The following ATP23 variants were observed in gnomAD, a reference collection of about 807,000 sequenced individuals.
The protein encoded by ATP23 is ATP23 metallopeptidase and ATP synthase assembly factor homolog.
ATP23 carries 24 observed loss-of-function variants against 28.5 expected under a neutral mutation model. That is an observed-to-expected ratio of 0.84 (90% CI 0.61 to 1.18). ATP23 has a LOEUF of 1.18. ATP23 is among the 50% of genes most tolerant of loss of function. The pLI is 0.00. For missense variants in ATP23, 274 were observed against 306.4 expected, an observed-to-expected ratio of 0.89 and a Z score of 0.79; for synonymous variants, 99 against 108.6, an observed-to-expected ratio of 0.91 and a Z score of 0.55.
rs918480245 is a variant in ATP23 at position 57,958,839 on chromosome 12, A to G, written c.*1949A>G. 6.6e-5 allele frequency among the ~76,000 whole-genome samples: 10 copies of G among 152,172 alleles called. No homozygotes were observed. Among genetic ancestry groups the G allele is most frequent in the African/African-American group, 2.4e-4 (10 of 41,438 alleles). ...ACAAAACAAAAGCTCTTTAACACCC[A>G]CAAAAAAATCACACTAGTTCACCAG... On this transcript the variant is annotated 3_prime_UTR_variant, in exon 6 of 6. Transcript: ENST00000300145.
chr12:57,950,528 CTTTTTT>C (rs60968742), intron 3 of ATP23, among the ~76,000 whole-genome samples: 1 of 142,476 alleles, frequency 7.0e-6, no homozygotes, highest in African/African-American at 2.6e-5. Flanking sequence ...CTTTCTTTTT[CTTTTTT>C]TTTTTTTTGA....
Position 57,946,978 on chromosome 12 carries a change from C to G in ATP23, c.234-17C>G. ...ACACACTGTTTCTGGACATTGTCTCCTTTTCTTGCCTTTTAGTGCTGTTAA... is the reference window on the plus strand; with the variant it reads ...ACACACTGTTTCTGGACATTGTCTCGTTTTCTTGCCTTTTAGTGCTGTTAA... On this transcript the variant is annotated splice_polypyrimidine_tract_variant and intron_variant, in intron 2 of 5. Coordinates refer to ENST00000300145, the MANE Select transcript of ATP23 (RefSeq NM_033276.4). The G allele has an allele frequency of 6.2e-7, 1 of 1,613,128 alleles. No individual in the cohort carries two copies. The highest frequency in any genetic ancestry group is 1.3e-5 in the African/African-American group (1 of 74,970).
chr12:57,943,667 C>G (rs949277276), intron 1 of ATP23, among the ~76,000 whole-genome samples: 1 of 149,226 alleles, frequency 6.7e-6, no homozygotes, highest in East Asian at 2.0e-4. Flanking sequence ...GGCAACAGAG[C>G]GAGACCCTGT....
Position 57,951,789 on chromosome 12 carries a change from A to AGAGT in ATP23, c.348_349insAGTG (p.Ala117SerfsTer17). ...TTGTGCCAGAATAATATCCATAATC[A>AGAGT]GGCCCATATGAACAGAGTGGTCACA... is the stretch of plus-strand genomic sequence containing the variant. On this transcript the variant is annotated frameshift_variant, in exon 4 of 6. Transcript: ENST00000300145. LOFTEE classifies it high-confidence loss of function. 6.2e-7 allele frequency: 1 copy of AGAGT among 1,614,144 alleles called. No homozygotes were observed. Among genetic ancestry groups the AGAGT allele is most frequent in the Non-Finnish European group, 8.5e-7 (1 of 1,180,018 alleles).
rs73348214 is a variant in ATP23 at position 57,949,130 on chromosome 12, C to T, written c.315+2054C>T. ...TGCTGCTATGAATATTTTTGACCTTCGCTACTGGTGCACATGTGCAAGAGT... is the reference window on the plus strand; with the variant it reads ...TGCTGCTATGAATATTTTTGACCTTTGCTACTGGTGCACATGTGCAAGAGT... On this transcript the variant is annotated intron_variant, in intron 3 of 5. Transcript: ENST00000300145. Among the ~76,000 whole-genome samples, 983 of 152,318 alleles carry T rather than the reference C, an allele frequency of 6.5e-3. 7 individuals carry two copies. The highest frequency in any genetic ancestry group is 0.022 in the African/African-American group (935 of 41,570).
chr12:57,951,821 C>G lies in ATP23; in HGVS notation c.379C>G (p.Leu127Val). 6.2e-7 allele frequency: 1 copy of G among 1,614,160 alleles called. No individual in the cohort carries two copies. The highest frequency in any genetic ancestry group is 8.5e-7 in the Non-Finnish European group (1 of 1,180,024). The stretch of plus-strand genomic sequence containing the variant: ...TATGAACAGAGTGGTCACACACGAG[C>G]TTATTCATGCATTTGATCATTGTCG... ...AHMNRVVTHE[L>V]IHAFDHCRAH... Residue 127 changes from leucine to valine, a missense_variant, in exon 4 of 6, where the codon CTT (leucine) becomes GTT (valine). Coordinates refer to ENST00000300145, the MANE Select transcript of ATP23 (RefSeq NM_033276.4).
chr12:57,958,798 T>C lies in ATP23; in HGVS notation c.*1908T>C, dbSNP rs139546424. On this transcript the variant is annotated 3_prime_UTR_variant, in exon 6 of 6. Transcript: ENST00000300145. ...CCCAAATGAGAAGGAACCAGAAAAC[T>C]AACCCTGGTAATATGACAAAACAAA... Among the ~76,000 whole-genome samples the C allele has an allele frequency of 4.4e-3, 672 of 152,188 alleles. 4 individuals are homozygous for C. The highest frequency in any genetic ancestry group is 0.016 in the African/African-American group (649 of 41,500).
chr12:57,953,785 A>G lies in ATP23; in HGVS notation c.537+96A>G, dbSNP rs1172209208. On this transcript the variant is annotated intron_variant, in intron 5 of 5. Transcript: ENST00000300145. ...AGTACATTCAGTATTTGAAATTTGAAAGAACTTCGTATGTGAAAAGAATAC... is the reference window on the plus strand; with the variant it reads ...AGTACATTCAGTATTTGAAATTTGAGAGAACTTCGTATGTGAAAAGAATAC... The G allele has an allele frequency of 4.6e-6, 5 of 1,090,610 alleles. No homozygotes were observed. In the East Asian group the frequency reaches 1.2e-4, roughly 27 times the overall value. The allele number at this position is 1,090,610 out of a possible 1,614,324, so 67.6% of individuals were successfully genotyped here.
Position 57,959,123 on chromosome 12 carries a change from A to G in ATP23, c.*2233A>G, listed in dbSNP as rs1269071620. Among the ~76,000 whole-genome samples, 1 of 152,202 alleles carries G rather than the reference A, an allele frequency of 6.6e-6. No homozygotes were observed. Among genetic ancestry groups the G allele is most frequent in the Non-Finnish European group, 1.5e-5 (1 of 68,044 alleles). ...GAAAATCTCAGCAATAGAATTGAACAAGTAGAAGAAAGAAATTCAGAGCTT... is the reference window on the plus strand; with the variant it reads ...GAAAATCTCAGCAATAGAATTGAACGAGTAGAAGAAAGAAATTCAGAGCTT... On this transcript the variant is annotated 3_prime_UTR_variant, in exon 6 of 6. Coordinates refer to ENST00000300145, the MANE Select transcript of ATP23 (RefSeq NM_033276.4).
At chr12:57,943,158 C>T (rs1028454380) in intron 1 of ATP23, among the ~76,000 whole-genome samples, 42 of 152,146 alleles carry the variant, frequency 2.8e-4, no homozygotes, top group African/African-American at 8.4e-4. Context: ...GTATTGAGTG[C>T]CTCCCAGGTT....
rs1039433933 is a variant in ATP23, at chr12:57,956,948, G to T, written c.*58G>T. 15 of 1,424,994 alleles carry T rather than the reference G, an allele frequency of 1.1e-5. No homozygotes were observed. Among genetic ancestry groups the T allele is most frequent in the African/African-American group, 1.5e-5 (1 of 68,774 alleles). 88.3% of individuals were successfully genotyped at this position (1,424,994 alleles called of 1,614,324 possible). On this transcript the variant is annotated 3_prime_UTR_variant, in exon 6 of 6. Coordinates refer to ENST00000300145, the MANE Select transcript of ATP23 (RefSeq NM_033276.4). ...ATCATCATGAAGAAAAAAAAATTTG[G>T]TTCTCAAGTGAACAAACATATAAAA...
Position 57,957,548 on chromosome 12 carries a change from C to A in ATP23, c.*658C>A, listed in dbSNP as rs1956880440. 6.6e-6 allele frequency among the ~76,000 whole-genome samples: 1 copy of A among 152,168 alleles called. No individual in the cohort carries two copies. The highest frequency in any genetic ancestry group is 1.5e-5 in the Non-Finnish European group (1 of 68,036). ...CTGCTCCTACAGTGCCCAGGAGACA[C>A]CCCAAATACTGTGAGTGCCCAACTG... On this transcript the variant is annotated 3_prime_UTR_variant, in exon 6 of 6. Transcript: ENST00000300145.
At chr12:57,944,912 A>G (rs952681398) in intron 1 of ATP23, among the ~76,000 whole-genome samples, 2 of 152,182 alleles carry the variant, frequency 1.3e-5, no homozygotes, top group African/African-American at 4.8e-5. Context: ...AGAAGGTGGT[A>G]GTACTCAGCA....
rs961142070 is a variant in ATP23, at chr12:57,958,107, C to G, written c.*1217C>G. 3.3e-5 allele frequency among the ~76,000 whole-genome samples: 5 copies of G among 152,162 alleles called. No homozygotes were observed. The South Asian group carries it at 6.2e-4, about 19-fold the overall frequency. On this transcript the variant is annotated 3_prime_UTR_variant, in exon 6 of 6. Transcript: ENST00000300145. ...GGAGCTGGGTGAGGCCTGTGACTGC[C>G]GGCTTTCCCCTACTTCCCTGACAAC...
At chr12:57,946,306 T>C (rs141245494) in intron 2 of ATP23, among the ~76,000 whole-genome samples, 26 of 152,338 alleles carry the variant, frequency 1.7e-4, no homozygotes, top group African/African-American at 6.0e-4. Flanking sequence ...AAATCTCAGC[T>C]TGTTATGTAG....
Position 57,957,191 on chromosome 12 carries a change from C to T in ATP23, c.*301C>T, listed in dbSNP as rs761567330. 1.3e-5 allele frequency: 3 copies of T among 234,858 alleles called. No individual in the cohort carries two copies. The highest frequency in any genetic ancestry group is 2.3e-5 in the African/African-American group (1 of 43,742). The allele number at this position is 234,858 out of a possible 1,614,324, so 14.5% of individuals were successfully genotyped here. A position where few individuals can be genotyped will look rare whatever the true frequency, so the allele number is the denominator to read the frequency against. On this transcript the variant is annotated 3_prime_UTR_variant, in exon 6 of 6. Coordinates refer to ENST00000300145, the MANE Select transcript of ATP23 (RefSeq NM_033276.4). ...TTATTTTAAAATTTGATTATGAAAC[C>T]TGTGAAGTGTGCTCTTCCATGATGT...
chr12:57,956,991 A>G lies in ATP23; in HGVS notation c.*101A>G, dbSNP rs2140545567. ...ATATAAAATGTAAACAATCCCTACA[A>G]TCCAGATAAAACAGAGAAGACTGTG... On this transcript the variant is annotated 3_prime_UTR_variant, in exon 6 of 6. Coordinates refer to ENST00000300145, the MANE Select transcript of ATP23 (RefSeq NM_033276.4). The G allele has an allele frequency of 1.0e-6, 1 of 963,086 alleles. No individual in the cohort carries two copies. The highest frequency in any genetic ancestry group is 2.8e-5 in the East Asian group (1 of 35,136). 59.7% of individuals were successfully genotyped at this position (963,086 alleles called of 1,614,324 possible).
chr12:57,943,878 T>C (rs1956732797), intron 1 of ATP23, among the ~76,000 whole-genome samples: 1 of 151,718 alleles, frequency 6.6e-6, no homozygotes. Context: ...AAGGGCAGGG[T>C]GGCTGGGAGG....
rs3751325 is a variant in ATP23 at position 57,941,843 on chromosome 12, A to C, written c.142A>C (p.Ser48Arg). The change falls in exon 1 of 6, where the codon AGC (serine) becomes CGC (arginine). Residue 48 changes from serine (S) to arginine (R), a missense_variant. Coordinates refer to ENST00000300145, the MANE Select transcript of ATP23 (RefSeq NM_033276.4). ...AGGGTTCTTCTCCAGCTTCTTCACC[A>C]GCAACCAGAAGTGCCAGCTTAGGCT... Reference protein sequence around the residue: ...QQGFFSSFFTSNQKCQLRLLK... With the variant: ...QQGFFSSFFTRNQKCQLRLLK... The C allele has an allele frequency of 6.2e-7, 1 of 1,612,264 alleles. No homozygotes were observed. Among genetic ancestry groups the C allele is most frequent in the East Asian group, 2.2e-5 (1 of 44,670 alleles).
Sources: gnomAD v4.1 joint callset for allele counts (sites outside exome capture counted in the v4.1 genomes callset) on GRCh38, gnomAD v4.1.1 for gene constraint, MANE v1.5 for transcripts, NCBI Gene and HGNC (gene_info 2026-07-23, HGNC 2026-07-21) for gene names.